The following TEAD1 variants were observed in gnomAD, a reference collection of about 807,000 sequenced individuals.
TEAD1 encodes transcriptional enhancer factor TEF-1.
A neutral mutation model predicts 54.9 loss-of-function variants in TEAD1; 9 were observed. The observed-to-expected ratio is 0.16, with a 90% CI of 0.10 to 0.29. The LOEUF is 0.29. Ranked by LOEUF, TEAD1 falls within the 10% of genes least tolerant of loss-of-function variation. The pLI is 1.00. For missense variants in TEAD1, 387 were observed against 535.9 expected, an observed-to-expected ratio of 0.72 and a Z score of 2.74; for synonymous variants, 200 against 187.8, an observed-to-expected ratio of 1.07 and a Z score of -0.53.
chr11:12,851,383 A>C (rs1490467251), intron 3 of TEAD1, among the ~76,000 whole-genome samples: 1 of 152,230 alleles, frequency 6.6e-6, no homozygotes, highest in African/African-American at 2.4e-5. Context: ...GTCACACACA[A>C]AAAATTACTA....
At chr11:12,698,976 A>G (rs986979858) in intron 2 of TEAD1, among the ~76,000 whole-genome samples, 1 of 152,190 alleles carries the variant, frequency 6.6e-6, no homozygotes, top group Admixed American at 6.5e-5. Context: ...TATAGTTTCT[A>G]TGTTTTTTAT....
At chr11:12,880,855 C>A in intron 6 of TEAD1, 150 bp from the exon 7 acceptor site, 1 of 873,874 alleles carries the variant, frequency 1.1e-6, no homozygotes, top group Non-Finnish European at 2.0e-6. Context: ...TGGTCTCGTG[C>A]AAGTGGTGAC....
chr11:12,845,354 G>A (rs1947124813), intron 3 of TEAD1, among the ~76,000 whole-genome samples: 1 of 152,134 alleles, frequency 6.6e-6, no homozygotes, highest in African/African-American at 2.4e-5. Flanking sequence ...GTGGACTTGA[G>A]AACTCTGAAT....
intron 3 of TEAD1, among the ~76,000 whole-genome samples, chr11:12,843,782 A>G (rs769324126): frequency 3.9e-5 from 6 of 152,230 alleles, no homozygotes; most frequent in Non-Finnish European, 8.8e-5. Flanking sequence ...CCATAATTGC[A>G]TGCATCTCAT....
At chr11:12,751,468 A>G (rs1944868544) in intron 2 of TEAD1, among the ~76,000 whole-genome samples, 1 of 152,142 alleles carries the variant, frequency 6.6e-6, no homozygotes, top group African/African-American at 2.4e-5. Flanking sequence ...GGGAAAGGCC[A>G]GGTCAGGCTT....
chr11:12,836,000 G>C (rs998022372), intron 3 of TEAD1, among the ~76,000 whole-genome samples: 1 of 152,158 alleles, frequency 6.6e-6, no homozygotes, highest in African/African-American at 2.4e-5. Context: ...TCGTCACAAA[G>C]AAATGATAAG....
At chr11:12,776,077 T>G (rs887580483) in intron 3 of TEAD1, among the ~76,000 whole-genome samples, 4 of 151,968 alleles carry the variant, frequency 2.6e-5, no homozygotes, top group Admixed American at 6.6e-5. Context: ...GGCTGAGGTA[T>G]CAAGCTCAGG....
At chr11:12,754,291 C>T (rs1429444912) in intron 2 of TEAD1, among the ~76,000 whole-genome samples, 1 of 152,184 alleles carries the variant, frequency 6.6e-6, no homozygotes, top group African/African-American at 2.4e-5. Context: ...TTGACACTGT[C>T]CTAGGTTGTA....
At chr11:12,764,886 A>G (rs904523488) in intron 3 of TEAD1, among the ~76,000 whole-genome samples, 9 of 149,172 alleles carry the variant, frequency 6.0e-5, no homozygotes, top group Non-Finnish European at 1.2e-4. Context: ...CCAGCATTCT[A>G]GATGCTTATA....
chr11:12,799,352 T>C (rs1946003413), intron 3 of TEAD1, among the ~76,000 whole-genome samples: 1 of 152,234 alleles, frequency 6.6e-6, no homozygotes, highest in African/African-American at 2.4e-5. Context: ...TCCTATTTCT[T>C]GGCTTCCAGT....
chr11:12,901,050 T>G (rs1294322414), intron 9 of TEAD1, among the ~76,000 whole-genome samples: 1 of 152,194 alleles, frequency 6.6e-6, no homozygotes, highest in East Asian at 1.9e-4. Context: ...TTAAAAATTA[T>G]GATGTTTGGC....
At chr11:12,801,620 G>A (rs1946061726) in intron 3 of TEAD1, among the ~76,000 whole-genome samples, 1 of 152,224 alleles carries the variant, frequency 6.6e-6, no homozygotes, top group African/African-American at 2.4e-5. Flanking sequence ...CTAAGTTGGA[G>A]CCTTGGTTTG....
intron 3 of TEAD1, among the ~76,000 whole-genome samples, chr11:12,839,603 A>G (rs183308920): frequency 1.3e-5 from 2 of 152,278 alleles, no homozygotes; most frequent in African/African-American, 4.8e-5. Flanking sequence ...GCCGTGTAGT[A>G]GTACTTTAGG....
intron 3 of TEAD1, among the ~76,000 whole-genome samples, chr11:12,792,422 T>C (rs540728769): frequency 1.3e-5 from 2 of 149,728 alleles, no homozygotes; most frequent in African/African-American, 4.9e-5. Context: ...TATAAAAATA[T>C]AGGCAAGTCT....
intron 3 of TEAD1, among the ~76,000 whole-genome samples, chr11:12,840,210 G>A (rs367884433): frequency 2.9e-5 from 4 of 139,490 alleles, no homozygotes; most frequent in African/African-American, 8.2e-5. Flanking sequence ...TCGCGCCACT[G>A]CACTCCAGCC....
chr11:12,879,268 C>T (rs1003940931), intron 5 of TEAD1, among the ~76,000 whole-genome samples: 16 of 152,200 alleles, frequency 1.1e-4, no homozygotes, highest in African/African-American at 3.4e-4. Flanking sequence ...TAGGGCTCCT[C>T]GAGCTCTGTG....
chr11:12,722,766 A>T (rs1260795508), intron 2 of TEAD1, among the ~76,000 whole-genome samples: 1 of 151,938 alleles, frequency 6.6e-6, no homozygotes, highest in East Asian at 1.9e-4. Flanking sequence ...TTTCATTTTA[A>T]CTTTTAGCCC....
intron 3 of TEAD1, among the ~76,000 whole-genome samples, chr11:12,831,551 T>G (rs1442752048): frequency 1.4e-5 from 2 of 147,878 alleles, no homozygotes; most frequent in African/African-American, 2.7e-5. Context: ...TTGTGTTTTT[T>G]GTTTGTTTGT....
At chr11:12,687,559 C>T (rs1255524648) in intron 2 of TEAD1, among the ~76,000 whole-genome samples, 1 of 152,220 alleles carries the variant, frequency 6.6e-6, no homozygotes, top group African/African-American at 2.4e-5. Context: ...CATCAAGTCA[C>T]CTATCCGGTT....
Sources: gnomAD v4.1 joint callset for allele counts (sites outside exome capture counted in the v4.1 genomes callset) on GRCh38, gnomAD v4.1.1 for gene constraint, MANE v1.5 for transcripts, NCBI Gene and HGNC (gene_info 2026-07-23, HGNC 2026-07-21) for gene names.